The following CHRNA7 variants were observed in gnomAD, a reference collection of about 807,000 sequenced individuals.
The protein encoded by CHRNA7 is neuronal acetylcholine receptor subunit alpha-7.
Under a neutral mutation model 48.0 loss-of-function variants are expected in CHRNA7, and 17 were observed. The ratio of observed to expected loss-of-function variants is 0.35; its 90% CI spans 0.24 to 0.53. CHRNA7 has a LOEUF of 0.53. Among genes scored for constraint, CHRNA7 ranks in the 20% least tolerant of loss-of-function variants. CHRNA7 has a pLI of 0.92. For synonymous variants in CHRNA7, 75 were observed against 242.3 expected (o/e 0.31, Z 6.41); for missense variants, 155 against 577.7 (o/e 0.27, Z 7.50).
chr15:32,087,633 C>T (rs1348406954), intron 2 of CHRNA7, among the ~76,000 whole-genome samples: 2 of 152,198 alleles, frequency 1.3e-5, no homozygotes, highest in Middle Eastern at 3.2e-3. Flanking sequence ...TGAATTCATG[C>T]TTAAGTCTCC....
At chr15:32,165,723 T>C (rs2052073856) in intron 9 of CHRNA7, 1 of 149,824 alleles carries the variant, frequency 6.7e-6, no homozygotes, top group African/African-American at 2.5e-5. Context: ...CCGGGTGCAG[T>C]GGCATTATGT....
intron 4 of CHRNA7, among the ~76,000 whole-genome samples, chr15:32,124,171 C>A (rs2051025114): frequency 6.6e-6 from 1 of 151,668 alleles, no homozygotes; most frequent in South Asian, 2.1e-4. Flanking sequence ...TCAAATAATC[C>A]AAAAGGTTGA....
At chr15:32,035,614 C>T (rs1334854713) in intron 2 of CHRNA7, among the ~76,000 whole-genome samples, 1 of 152,046 alleles carries the variant, frequency 6.6e-6, no homozygotes, top group African/African-American at 2.4e-5. Context: ...CTTTGGGGGG[C>T]CCTCTGTGTA....
intron 2 of CHRNA7, among the ~76,000 whole-genome samples, chr15:32,036,259 A>G (rs1902078762): frequency 6.6e-6 from 1 of 152,190 alleles, no homozygotes; most frequent in Admixed American, 6.5e-5. Flanking sequence ...TCATGGCTTG[A>G]TAGCTCACTC....
intron 2 of CHRNA7, among the ~76,000 whole-genome samples, chr15:32,063,158 A>C (rs1186776151): frequency 6.6e-6 from 1 of 152,182 alleles, no homozygotes; most frequent in Non-Finnish European, 1.5e-5. Context: ...GTGAGTAGTG[A>C]GTAAATGTGA....
At chr15:32,122,382 G>T (rs930242422) in intron 4 of CHRNA7, among the ~76,000 whole-genome samples, 19 of 152,142 alleles carry the variant, frequency 1.2e-4, no homozygotes, top group Admixed American at 1.1e-3. Flanking sequence ...GTCTAGAAAT[G>T]ATTCTCCTTT....
At chr15:32,069,011 CT>C (rs1323167508) in intron 2 of CHRNA7, among the ~76,000 whole-genome samples, 1 of 152,044 alleles carries the variant, frequency 6.6e-6, no homozygotes, top group Non-Finnish European at 1.5e-5. Context: ...TAATGGACAC[CT>C]TTTTTGTGAT....
At chr15:32,114,552 A>G (rs1312283774) in intron 4 of CHRNA7, among the ~76,000 whole-genome samples, 4 of 152,138 alleles carry the variant, frequency 2.6e-5, no homozygotes, top group Non-Finnish European at 2.9e-5. Context: ...GGCTGCTTCA[A>G]TTTCTGCTTT....
intron 2 of CHRNA7, among the ~76,000 whole-genome samples, chr15:32,061,083 C>A (rs552370016): frequency 6.6e-6 from 1 of 152,282 alleles, no homozygotes; most frequent in East Asian, 1.9e-4. Flanking sequence ...TTGTGGCAAG[C>A]CCATTGGATG....
intron 4 of CHRNA7, among the ~76,000 whole-genome samples, chr15:32,127,903 G>T (rs143515049): frequency 2.0e-5 from 3 of 152,084 alleles, no homozygotes; most frequent in Non-Finnish European, 4.4e-5. Context: ...GAGTGCTGAA[G>T]ATTTCCTCCT....
rs776256188 is a variant in CHRNA7 at position 32,111,842 on chromosome 15, A to G, written c.293A>G (p.Lys98Arg). The G allele has an allele frequency of 8.1e-6, 13 of 1,613,894 alleles. No homozygotes were observed. Among genetic ancestry groups the G allele is most frequent in the Non-Finnish European group, 1.0e-5 (12 of 1,179,864 alleles). The change falls in exon 4 of 10, where the codon AAG (lysine) becomes AGG (arginine). Residue 98 changes from lysine to arginine, a missense_variant. Transcript: ENST00000306901. ...QWNVSEYPGV[K>R]TVRFPDGQIW... Reference sequence around the variant, plus strand: ...AATGTGTCAGAATATCCAGGGGTGAAGACTGTTCGTTTCCCAGATGGCCAG... The same window carrying G: ...AATGTGTCAGAATATCCAGGGGTGAGGACTGTTCGTTTCCCAGATGGCCAG...
chr15:32,061,842 A>C (rs570883615), intron 2 of CHRNA7, among the ~76,000 whole-genome samples: 1 of 152,098 alleles, frequency 6.6e-6, no homozygotes, highest in Non-Finnish European at 1.5e-5. Flanking sequence ...CACCAAAAAA[A>C]CAACAAAACA....
intron 2 of CHRNA7, among the ~76,000 whole-genome samples, chr15:32,097,951 G>T (rs1038892929): frequency 6.6e-6 from 1 of 152,216 alleles, no homozygotes; most frequent in Non-Finnish European, 1.5e-5. Context: ...CCCTCCTGGG[G>T]TGAGGAACTG....
intron 2 of CHRNA7, chr15:32,100,491 G>A (rs1236618183): frequency 6.5e-6 from 1 of 154,136 alleles, no homozygotes; most frequent in Non-Finnish European, 1.5e-5. Context: ...CAGTCTTGAC[G>A]GGTCTCTTCT....
In CHRNA7 at chr15:32,168,186, T is replaced by TC. The variant is rs1309973981; in HGVS notation, c.1242dup (p.Thr415HisfsTer4). On this transcript the variant is annotated frameshift_variant, in exon 10 of 10. Transcript: ENST00000306901. LOFTEE classifies it high-confidence loss of function. ...GGTAGTGTGTGGCCGCATGGCCTGC[T>TC]CCCCCACGCACGATGAGCACCTCCT... The TC allele has an allele frequency of 6.3e-7, 1 of 1,581,700 alleles. No homozygotes were observed. Among genetic ancestry groups the TC allele is most frequent in the South Asian group, 1.1e-5 (1 of 87,672 alleles).
At chr15:32,031,476 G>T (rs1226762898) in intron 2 of CHRNA7, among the ~76,000 whole-genome samples, 1 of 152,216 alleles carries the variant, frequency 6.6e-6, no homozygotes, top group Non-Finnish European at 1.5e-5. Flanking sequence ...TTTGGTGGGG[G>T]CCTGGCCCTG....
intron 4 of CHRNA7, among the ~76,000 whole-genome samples, chr15:32,133,445 G>C (rs552945642): frequency 3.9e-4 from 59 of 152,336 alleles, no homozygotes; most frequent in African/African-American, 1.4e-3. Flanking sequence ...TGGGAGTTCA[G>C]TCAACCATCC....
rs201480607 is a variant in CHRNA7 at position 32,157,146 on chromosome 15, G to GTGT, written c.431-460_431-458dup. On this transcript the variant is annotated intron_variant, in intron 5 of 9. Transcript: ENST00000306901. The stretch of plus-strand genomic sequence containing the variant: ...CTAGATTGTATTTCTCGATAATCAT[G>GTGT]TGTTCTTCCCATTTTTAACCTAAAG... The GTGT allele has an allele frequency of 3.2e-3, 327 of 101,830 alleles. 15 individuals are homozygous for GTGT. The East Asian group carries it at 0.044, about 14-fold the overall frequency. The allele number at this position is 101,830 out of a possible 1,614,324, so 6.3% of individuals were successfully genotyped here. A position where few individuals can be genotyped will look rare whatever the true frequency, so the allele number is the denominator to read the frequency against.
Position 32,168,765 on chromosome 15 carries a change from G to GATACGAC in CHRNA7, c.*307_*308insATACGAC. ...GAAAGCCCTTCGGAGAGCTCCCCATGGCTCCTCACCACCGAGACAGTTGGT... is the reference window on the plus strand; with the variant it reads ...GAAAGCCCTTCGGAGAGCTCCCCATGATACGACGCTCCTCACCACCGAGACAGTTGGT... On this transcript the variant is annotated 3_prime_UTR_variant, in exon 10 of 10. Transcript: ENST00000306901. 1 of 42,288 alleles carries GATACGAC rather than the reference G, an allele frequency of 2.4e-5. No individual in the cohort carries two copies. The highest frequency in any genetic ancestry group is 2.2e-4 in the African/African-American group (1 of 4,510). The allele number at this position is 42,288 out of a possible 1,614,324, so 2.6% of individuals were successfully genotyped here. A position where few individuals can be genotyped will look rare whatever the true frequency, so the allele number is the denominator to read the frequency against.
Sources: gnomAD v4.1 joint callset for allele counts (sites outside exome capture counted in the v4.1 genomes callset) on GRCh38, gnomAD v4.1.1 for gene constraint, MANE v1.5 for transcripts, NCBI Gene and HGNC (gene_info 2026-07-23, HGNC 2026-07-21) for gene names.